Variants in L3MBTL4 observed in about 807,000 individuals in gnomAD.
The protein encoded by L3MBTL4 is L3MBTL histone methyl-lysine binding protein 4, also known as lethal(3)malignant brain tumor-like protein 4.
A neutral mutation model predicts 84.5 loss-of-function variants in L3MBTL4; 70 were observed. The observed-to-expected ratio is 0.83, with a 90% CI of 0.68 to 1.01. The LOEUF (loss-of-function observed/expected upper bound fraction) is 1.01, where lower values mean the gene tolerates loss of function less well. Ranked by LOEUF, L3MBTL4 falls within the 50% of genes least tolerant of loss-of-function variation. The probability of loss-of-function intolerance (pLI) is 0.00; values close to 1 mark genes in which losing one functional copy is unlikely to be tolerated. For synonymous variants in L3MBTL4, 274 were observed against 259.8 expected (o/e 1.05, Z -0.52); for missense variants, 715 against 754.8 (o/e 0.95, Z 0.62).
chr18:6,373,574 C>T (rs1381078105), intron 1 of L3MBTL4, among the ~76,000 whole-genome samples: 3 of 152,144 alleles, frequency 2.0e-5, no homozygotes, highest in South Asian at 2.1e-4. Context: ...AAAGAGAAGT[C>T]GCTCTACCCA....
At chr18:6,245,765 A>G (rs1423901369) in intron 5 of L3MBTL4, among the ~76,000 whole-genome samples, 1 of 151,640 alleles carries the variant, frequency 6.6e-6, no homozygotes, top group East Asian at 1.9e-4. Flanking sequence ...TAATTTTTGT[A>G]TTTTTAGTAG....
At chr18:6,131,763 A>G (rs577066299) in intron 14 of L3MBTL4, among the ~76,000 whole-genome samples, 5 of 152,366 alleles carry the variant, frequency 3.3e-5, no homozygotes, top group Non-Finnish European at 7.3e-5. Context: ...AAGTGCATGT[A>G]TATAATATTC....
At chr18:6,222,094 T>G (rs1435020932) in intron 10 of L3MBTL4, among the ~76,000 whole-genome samples, 2 of 152,238 alleles carry the variant, frequency 1.3e-5, no homozygotes, top group Admixed American at 1.3e-4. Context: ...AAACACATGT[T>G]GAAAATGACC....
Position 6,051,616 on chromosome 18 carries a change from T to C in L3MBTL4, c.1444+29265A>G, listed in dbSNP as rs1031756858. Among the ~76,000 whole-genome samples, 5 of 152,056 alleles carry C rather than the reference T, an allele frequency of 3.3e-5. No homozygotes were observed. In the South Asian group the frequency reaches 6.2e-4, roughly 19 times the overall value. On this transcript the variant is annotated intron_variant, in intron 16 of 18. Coordinates refer to ENST00000317931, the MANE Select transcript of L3MBTL4 (RefSeq NM_001330559.2). Reference sequence around the variant, plus strand: ...TTGGTAGGACAGATTCAGTGGATGATTGCGGCCCTTTCTTCAAAATGTCGG... The same window carrying C: ...TTGGTAGGACAGATTCAGTGGATGACTGCGGCCCTTTCTTCAAAATGTCGG...
intron 16 of L3MBTL4, among the ~76,000 whole-genome samples, chr18:5,996,345 C>T (rs1352435692): frequency 6.6e-6 from 1 of 152,142 alleles, no homozygotes; most frequent in Non-Finnish European, 1.5e-5. Context: ...ATTTCATCTC[C>T]ACACTGAAAA....
At chr18:6,165,480 C>G (rs139784926) in intron 13 of L3MBTL4, among the ~76,000 whole-genome samples, 1,672 of 152,294 alleles carry the variant, frequency 0.011, 47 homozygotes, top group African/African-American at 0.038. Flanking sequence ...AACAACTGAT[C>G]TCTCGGCAGA....
intron 1 of L3MBTL4, among the ~76,000 whole-genome samples, chr18:6,383,082 G>A (rs995115596): frequency 2.0e-5 from 3 of 152,046 alleles, no homozygotes; most frequent in Admixed American, 1.3e-4. Context: ...TGCCCAGTTC[G>A]AACATCCTAG....
intron 1 of L3MBTL4, among the ~76,000 whole-genome samples, chr18:6,363,283 CA>C (rs1481856130): frequency 1.3e-5 from 2 of 152,076 alleles, no homozygotes; most frequent in African/African-American, 4.8e-5. Flanking sequence ...ATGAACCGTC[CA>C]GGGGCAGCCC....
At chr18:6,083,785 GT>G (rs773001144) in intron 15 of L3MBTL4, among the ~76,000 whole-genome samples, 2 of 152,160 alleles carry the variant, frequency 1.3e-5, no homozygotes, top group Admixed American at 6.5e-5. Context: ...CTGTGTATCT[GT>G]TTATACCTGA....
intron 12 of L3MBTL4, among the ~76,000 whole-genome samples, chr18:6,197,814 T>C (rs1355410862): frequency 6.6e-6 from 1 of 152,194 alleles, no homozygotes; most frequent in African/African-American, 2.4e-5. Context: ...CAGATTTCTA[T>C]AGGTACAAAC....
intron 10 of L3MBTL4, among the ~76,000 whole-genome samples, chr18:6,222,479 C>G (rs1053697273): frequency 3.3e-5 from 5 of 151,994 alleles, no homozygotes; most frequent in African/African-American, 4.8e-5. Context: ...CCCAGCAGAA[C>G]TGTCTTCAAT....
intron 4 of L3MBTL4, among the ~76,000 whole-genome samples, chr18:6,272,455 C>G (rs2048922771): frequency 7.7e-6 from 1 of 129,802 alleles, no homozygotes; most frequent in East Asian, 2.3e-4. Flanking sequence ...ACAGTTCTGA[C>G]AGCCCCACTG....
At chr18:6,406,953 T>A (rs984786680) in intron 1 of L3MBTL4, among the ~76,000 whole-genome samples, 1 of 152,172 alleles carries the variant, frequency 6.6e-6, no homozygotes, top group East Asian at 1.9e-4. Context: ...ATAAATGCAA[T>A]GTAAAGCTTT....
At chr18:6,045,354 A>C (rs1309529664) in intron 16 of L3MBTL4, among the ~76,000 whole-genome samples, 1 of 152,250 alleles carries the variant, frequency 6.6e-6, no homozygotes, top group Non-Finnish European at 1.5e-5. Context: ...TGTTGCATCT[A>C]GACCAGCCTT....
intron 4 of L3MBTL4, among the ~76,000 whole-genome samples, chr18:6,286,631 A>G (rs2049602801): frequency 6.6e-6 from 1 of 152,230 alleles, no homozygotes; most frequent in Non-Finnish European, 1.5e-5. Flanking sequence ...GAAACATTTT[A>G]AATCTCCATA....
intron 5 of L3MBTL4, among the ~76,000 whole-genome samples, chr18:6,257,584 T>G (rs78249127): frequency 0.015 from 2,261 of 152,198 alleles, 35 homozygotes; most frequent in Non-Finnish European, 0.022. Context: ...GGAACAGACT[T>G]AAGCATATTT....
intron 1 of L3MBTL4, among the ~76,000 whole-genome samples, chr18:6,357,043 T>C (rs546449830): frequency 2.0e-5 from 3 of 152,302 alleles, no homozygotes; most frequent in Admixed American, 6.5e-5. Flanking sequence ...ATGGGTGTCA[T>C]ATATGCAGTC....
chr18:6,004,449 TA>T (rs929124040), intron 16 of L3MBTL4, among the ~76,000 whole-genome samples: 1 of 152,166 alleles, frequency 6.6e-6, no homozygotes, highest in Non-Finnish European at 1.5e-5. Context: ...ACCAAATATT[TA>T]AAGAACTATC....
intron 1 of L3MBTL4, among the ~76,000 whole-genome samples, chr18:6,347,920 A>C (rs1044837297): frequency 2.0e-5 from 3 of 152,036 alleles, no homozygotes; most frequent in Non-Finnish European, 4.4e-5. Context: ...AAAAAAATTA[A>C]ATTGACTAAC....
Sources: allele counts gnomAD v4.1 joint callset (sites outside exome capture counted in the v4.1 genomes callset), GRCh38; gene constraint gnomAD v4.1.1; transcripts MANE v1.5; gene names NCBI Gene and HGNC (gene_info 2026-07-23, HGNC 2026-07-21).